The following AUTS2 variants were observed in gnomAD, a reference collection of about 807,000 sequenced individuals.
The protein encoded by AUTS2 is autism susceptibility gene 2 protein.
Under a neutral mutation model 112.4 loss-of-function variants are expected in AUTS2, and 17 were observed. The ratio of observed to expected loss-of-function variants is 0.15; its 90% confidence interval spans 0.10 to 0.23. The LOEUF is 0.23. Among genes scored for constraint, AUTS2 ranks in the 10% least tolerant of loss-of-function variants. AUTS2 has a pLI of 1.00. For missense variants in AUTS2, 1,510 were observed against 1,701.6 expected (o/e 0.89, Z 1.98); for synonymous variants, 751 against 702.7 (o/e 1.07, Z -1.09).
chr7:70,368,753 T>G (rs73173570), intron 4 of AUTS2, among the ~76,000 whole-genome samples: 2 of 152,126 alleles, frequency 1.3e-5, no homozygotes, highest in African/African-American at 4.8e-5. Flanking sequence ...TGGTGATCAG[T>G]GCTCAAGACC....
intron 1 of AUTS2, among the ~76,000 whole-genome samples, chr7:69,735,578 TG>T (rs1238926536): frequency 6.6e-6 from 1 of 152,172 alleles, no homozygotes; most frequent in Non-Finnish European, 1.5e-5. Flanking sequence ...GCTACTTAGG[TG>T]GAAGCTGGCT....
At chr7:70,134,626 T>C in intron 4 of AUTS2, 55 bp downstream of exon 4, 1 of 1,484,990 alleles carries the variant, frequency 6.7e-7, no homozygotes, top group Non-Finnish European at 9.4e-7. Context: ...GATTTCCTTC[T>C]ATAATGAATG....
chr7:70,448,241 C>G (rs914119961), intron 5 of AUTS2, among the ~76,000 whole-genome samples: 1 of 152,118 alleles, frequency 6.6e-6, no homozygotes, highest in African/African-American at 2.4e-5. Context: ...CCCTCCTGGA[C>G]AGAATGGACA....
intron 2 of AUTS2, among the ~76,000 whole-genome samples, chr7:69,979,922 G>A (rs1798225206): frequency 6.6e-6 from 1 of 152,120 alleles, no homozygotes. Flanking sequence ...TAAGTATATA[G>A]TAGTTATTTA....
chr7:70,344,465 A>C (rs1018549250), intron 4 of AUTS2, among the ~76,000 whole-genome samples: 4 of 152,166 alleles, frequency 2.6e-5, no homozygotes, highest in African/African-American at 9.7e-5. Flanking sequence ...CTCTTTGCTA[A>C]GTCCCATGCC....
At chr7:69,674,826 C>T (rs955623565) in intron 1 of AUTS2, among the ~76,000 whole-genome samples, 22 of 152,066 alleles carry the variant, frequency 1.4e-4, no homozygotes, top group Admixed American at 2.6e-4. Flanking sequence ...AAAGAGTAGT[C>T]AAGCTGAATG....
chr7:69,972,667 G>A (rs1038884991), intron 2 of AUTS2, among the ~76,000 whole-genome samples: 1 of 144,020 alleles, frequency 6.9e-6, no homozygotes, highest in African/African-American at 2.5e-5. Flanking sequence ...GTGTGTGTGC[G>A]TGCATGTGTG....
intron 5 of AUTS2, among the ~76,000 whole-genome samples, chr7:70,465,101 G>A (rs1324390427): frequency 6.6e-6 from 1 of 152,170 alleles, no homozygotes; most frequent in Non-Finnish European, 1.5e-5. Flanking sequence ...GTTGAATGAA[G>A]CTTTTCTCAG....
At chr7:69,756,918 G>T (rs1787968368) in intron 1 of AUTS2, among the ~76,000 whole-genome samples, 1 of 152,046 alleles carries the variant, frequency 6.6e-6, no homozygotes, top group Admixed American at 6.6e-5. Flanking sequence ...ATTTGCTTTG[G>T]GTCAATAAAG....
At chr7:70,399,859 A>G (rs919876151) in intron 4 of AUTS2, among the ~76,000 whole-genome samples, 1 of 152,206 alleles carries the variant, frequency 6.6e-6, no homozygotes, top group Admixed American at 6.5e-5. Context: ...AAGTGTGTAG[A>G]CTAGAGAATA....
intron 1 of AUTS2, among the ~76,000 whole-genome samples, chr7:69,600,403 ATGTTCGTG>A (rs1792321533): frequency 7.6e-6 from 1 of 131,958 alleles, no homozygotes; most frequent in Non-Finnish European, 1.7e-5. Context: ...ACAGAGTCAT[ATGTTCGTG>A]TGTGTGTGTG....
At position 70,790,923 on chromosome 7, in the gene AUTS2, G is replaced by A. The variant is rs201704456; in HGVS notation, c.3707G>A (p.Arg1236Lys). 1.3e-6 allele frequency: 2 copies of A among 1,565,238 alleles called. No homozygotes were observed. The highest frequency in any genetic ancestry group is 1.7e-6 in the Non-Finnish European group (2 of 1,156,738). ...GGGGGCCGCCCGGTCTCTCCCAGAA[G>A]GACGACTCCTCTGTCCGCAGAGATA... ...TLGGRPVSPR[R>K]TTPLSAEIRE... The change falls in exon 19 of 19, where the codon AGG becomes AAG. Residue 1236 changes from arginine (R) to lysine (K), a missense_variant. Physicochemically the swap from Arg to Lys is conservative, Grantham distance 26. Around this residue, in one of 3 missense-constraint regions of AUTS2, gnomAD observed 788 missense variants for 797.6 expected, o/e 0.99. Coordinates refer to ENST00000342771, the MANE Select transcript of AUTS2 (RefSeq NM_015570.4). This position sits in a 1 kb window ranked among gnomAD's most constrained non-coding sequence, Gnocchi z 7.6.
At chr7:69,631,317 T>C (rs796404231) in intron 1 of AUTS2, among the ~76,000 whole-genome samples, 1 of 152,214 alleles carries the variant, frequency 6.6e-6, no homozygotes. Context: ...ACTTAAGATG[T>C]TTTTGACCTT....
intron 5 of AUTS2, among the ~76,000 whole-genome samples, chr7:70,529,320 A>G (rs1181003248): frequency 6.6e-6 from 1 of 152,248 alleles, no homozygotes. Context: ...AAGCCCCTTC[A>G]TAAATAATCT....
chr7:70,754,994 G>T (rs1471825239), intron 6 of AUTS2, among the ~76,000 whole-genome samples: 2 of 152,178 alleles, frequency 1.3e-5, no homozygotes, highest in Admixed American at 6.5e-5. Context: ...GGGAGAGTTG[G>T]TTTTTTGTGT....
intron 4 of AUTS2, among the ~76,000 whole-genome samples, chr7:70,190,381 T>C (rs1196283609): frequency 6.6e-6 from 1 of 152,236 alleles, no homozygotes. Flanking sequence ...TATAAAACTG[T>C]CTTTTTCCTG....
At chr7:69,650,535 G>C (rs563505995) in intron 1 of AUTS2, among the ~76,000 whole-genome samples, 58 of 152,202 alleles carry the variant, frequency 3.8e-4, no homozygotes, top group African/African-American at 1.4e-3. Context: ...TAGCCCCGTG[G>C]GTCCCTGCCT....
intron 1 of AUTS2, among the ~76,000 whole-genome samples, chr7:69,847,111 A>G (rs557760018): frequency 6.6e-6 from 1 of 152,102 alleles, no homozygotes; most frequent in Admixed American, 6.5e-5. Flanking sequence ...CCCCCAGTAC[A>G]TGCATAATTG....
chr7:69,644,166 C>A (rs1444827898), intron 1 of AUTS2, among the ~76,000 whole-genome samples: 2 of 152,136 alleles, frequency 1.3e-5, no homozygotes, highest in African/African-American at 4.8e-5. Flanking sequence ...AAGACAGGCC[C>A]TGTGTTCTCT....
Sources: allele counts gnomAD v4.1 joint callset (sites outside exome capture counted in the v4.1 genomes callset), GRCh38; gene constraint gnomAD v4.1.1; regional missense constraint gnomAD v4.1.1; non-coding constraint Gnocchi (gnomAD v3.1); transcripts MANE v1.5; gene names NCBI Gene and HGNC (gene_info 2026-07-23, HGNC 2026-07-21).